TUBGCP5: variants seen among roughly 807,000 people sequenced by gnomAD.
TUBGCP5 encodes tubulin gamma complex component 5.
A neutral mutation model predicts 134.7 loss-of-function variants in TUBGCP5; 98 were observed. The ratio of observed to expected loss-of-function variants is 0.73; its 90% CI spans 0.62 to 0.86. TUBGCP5 has a LOEUF of 0.86. Among genes scored for constraint, TUBGCP5 ranks in the 40% least tolerant of loss-of-function variants. The pLI, the probability that TUBGCP5 is intolerant of heterozygous loss-of-function variation, is 0.00. For synonymous variants in TUBGCP5, 456 were observed against 431.4 expected, an observed-to-expected ratio of 1.06 and a Z score of -0.71; for missense variants, 1,150 against 1,244.8, an observed-to-expected ratio of 0.92 and a Z score of 1.15.
At position 23,037,156 on chromosome 15, in the gene TUBGCP5, T is replaced by C; in HGVS notation, c.147-4A>G. 6.2e-7 allele frequency: 1 copy of C among 1,612,442 alleles called. No homozygotes were observed. Among genetic ancestry groups the C allele is most frequent in the Non-Finnish European group, 8.5e-7 (1 of 1,179,804 alleles). ...GACATCCAAGAAACGATGAAATCTA[T>C]TAAAGACAAAATGCAATTCTTATGC... On this transcript the variant is annotated splice_region_variant and splice_polypyrimidine_tract_variant and intron_variant, in intron 1 of 22. Transcript: ENST00000615383.
At chr15:23,008,917 T>C in intron 15 of TUBGCP5, 36 bp from the exon 16 acceptor site, 2 of 1,494,160 alleles carry the variant, frequency 1.3e-6, no homozygotes, top group Non-Finnish European at 8.9e-7. Context: ...CTAAGATCTC[T>C]GGCATTCGTA....
chr15:23,001,323 G>T (rs181846882), intron 21 of TUBGCP5, among the ~76,000 whole-genome samples: 1 of 150,154 alleles, frequency 6.7e-6, no homozygotes, highest in African/African-American at 2.4e-5. Flanking sequence ...GATTGCAGTT[G>T]TGAGCCATGG....
chr15:22,999,685 G>A lies in TUBGCP5; in HGVS notation c.*135C>T, dbSNP rs2064256672. ...CATCGTGCTGGGATTAGAGGCATGA[G>A]CGACTGTGCCAGGCTGACTGTGGAC... On this transcript the variant is annotated 3_prime_UTR_variant, in exon 23 of 23. Transcript: ENST00000615383. 3.1e-6 allele frequency: 3 copies of A among 953,118 alleles called. No individual in the cohort carries two copies. Among genetic ancestry groups the A allele is most frequent in the Admixed American group, 4.1e-5 (2 of 48,344 alleles). The allele number at this position is 953,118 out of a possible 1,614,324, so 59.0% of individuals were successfully genotyped here.
At chr15:23,028,437 A>T (rs1476713116) in intron 6 of TUBGCP5, among the ~76,000 whole-genome samples, 1 of 151,998 alleles carries the variant, frequency 6.6e-6, no homozygotes, top group Non-Finnish European at 1.5e-5. Context: ...AAAATGTACT[A>T]AAAAATAACA....
chr15:23,005,198 C>T (rs1208312762), intron 19 of TUBGCP5, among the ~76,000 whole-genome samples: 1 of 152,132 alleles, frequency 6.6e-6, no homozygotes, highest in Non-Finnish European at 1.5e-5. Flanking sequence ...TGTGGCTGTG[C>T]CTGTCCCCAG....
intron 23 of TUBGCP5, among the ~76,000 whole-genome samples, chr15:22,993,525 G>GTTTTTTTTTTTTTTTTTTTTTTTTT (rs71414252): frequency 2.9e-5 from 2 of 69,288 alleles, no homozygotes; most frequent in African/African-American, 1.2e-4. Context: ...AGCCCCCGAA[G>GTTTTTTTTTTTTTTTTTTTTTTTTT]TTTTTTTTTT....
chr15:22,987,330 C>T lies in TUBGCP5; in HGVS notation c.*62-3719G>A, dbSNP rs111248813. ...CAGCCTGGGCAACAAGAGCAAAACT[C>T]CATCTCAAAAAAAAAAAAAAAGAAA... On this transcript the variant is annotated intron_variant and NMD_transcript_variant, in intron 23 of 23. Coordinates refer to the TUBGCP5 transcript ENST00000614508. 2.2e-4 allele frequency among the ~76,000 whole-genome samples: 30 copies of T among 134,396 alleles called. 1 individual carries two copies. The highest frequency in any genetic ancestry group is 8.6e-4 in the African/African-American group (29 of 33,604). The allele number at this position is 134,396 out of a possible 152,430, so 88.2% of individuals were successfully genotyped here.
chr15:23,007,493 G>A (rs995160067), intron 16 of TUBGCP5, among the ~76,000 whole-genome samples: 6 of 152,170 alleles, frequency 3.9e-5, no homozygotes, highest in African/African-American at 1.4e-4. Flanking sequence ...GCTGCACTGA[G>A]CAGGCAATAG....
chr15:23,026,650 CA>C (rs2066000319), intron 7 of TUBGCP5, among the ~76,000 whole-genome samples: 1 of 152,016 alleles, frequency 6.6e-6, no homozygotes, highest in South Asian at 2.1e-4. Context: ...TTTTCAACAC[CA>C]GCCAGGTGTG....
chr15:23,019,375 TG>T, intron 11 of TUBGCP5, 41 bp from the exon 12 acceptor site: 1 of 1,354,786 alleles, frequency 7.4e-7, no homozygotes, highest in Non-Finnish European at 1.1e-6. Flanking sequence ...CAGGGTTCCC[TG>T]GTCACTAGGA....
At chr15:23,012,971 T>TCA (rs1281519344) in intron 13 of TUBGCP5, among the ~76,000 whole-genome samples, 1 of 151,832 alleles carries the variant, frequency 6.6e-6, no homozygotes, top group Non-Finnish European at 1.5e-5. Context: ...GCGTAGTGGC[T>TCA]CACATCTATA....
chr15:23,032,855 T>TG lies in TUBGCP5; in HGVS notation c.310-32dup, dbSNP rs201759882. 1.8e-3 allele frequency: 2,699 copies of TG among 1,486,294 alleles called. 18 individuals are homozygous for TG. In the African/African-American group the frequency reaches 0.023, roughly 13 times the overall value. 92.1% of individuals were successfully genotyped at this position (1,486,294 alleles called of 1,614,324 possible). On this transcript the variant is annotated intron_variant, in intron 3 of 22. Transcript: ENST00000615383. ...AAACAAAAAAAAGAACATAAATCTC[T>TG]GAGGTTGGGAAATGCTTTCTACACC...
intron 10 of TUBGCP5, chr15:23,022,945 T>A (rs1331963801): frequency 1.3e-5 from 2 of 152,332 alleles, no homozygotes; most frequent in East Asian, 3.9e-4. Context: ...TGGCAAGAAG[T>A]GTGAGGAAAC....
At position 23,032,789 on chromosome 15, in the gene TUBGCP5, CAGA is replaced by C. The variant is rs1172033623; in HGVS notation, c.342_344del (p.Leu115del). The C allele has an allele frequency of 6.3e-6, 10 of 1,589,884 alleles. No individual in the cohort carries two copies. Among genetic ancestry groups the C allele is most frequent in the Non-Finnish European group, 7.7e-6 (9 of 1,170,908 alleles). On this transcript the variant is annotated inframe_deletion, in exon 4 of 23. Transcript: ENST00000615383. ...TGTTTGAAGGAGAGTCTGACAGACA[CAGA>C]AGAAGTGACAGTATGGAATAATGTG...
At position 23,019,211 on chromosome 15, in the gene TUBGCP5, C is replaced by A. The variant is rs1239082596; in HGVS notation, c.1487+8G>T. The A allele has an allele frequency of 6.2e-7, 1 of 1,602,660 alleles. No homozygotes were observed. Among genetic ancestry groups the A allele is most frequent in the South Asian group, 1.1e-5 (1 of 90,394 alleles). On this transcript the variant is annotated splice_region_variant and intron_variant, in intron 12 of 22. Transcript: ENST00000615383. ...CCCCCAGTGACCTTGTGCTCTGCTG[C>A]AGCTCACCTCTGGATGATGAACTCC...
chr15:23,024,200 C>A lies in TUBGCP5; in HGVS notation c.922-7G>T, dbSNP rs377077352. 239 of 1,608,580 alleles carry A rather than the reference C, an allele frequency of 1.5e-4. No individual in the cohort carries two copies. Among genetic ancestry groups the A allele is most frequent in the Middle Eastern group, 1.6e-4 (1 of 6,070 alleles). On this transcript the variant is annotated splice_polypyrimidine_tract_variant and splice_region_variant and intron_variant, in intron 9 of 22. Coordinates refer to ENST00000615383, the MANE Select transcript of TUBGCP5 (RefSeq NM_052903.6). ...GCACAGATCGTAAACAGCTCTACAA[C>A]ACAAGCAAACTGCAATTATTCAAAG...
intron 3 of TUBGCP5, among the ~76,000 whole-genome samples, chr15:23,035,979 T>G (rs749409221): frequency 6.6e-6 from 1 of 152,176 alleles, no homozygotes; most frequent in Non-Finnish European, 1.5e-5. Context: ...ACATAGCATG[T>G]GTGGAGACAG....
At chr15:23,012,110 T>A (rs1415647668) in intron 13 of TUBGCP5, among the ~76,000 whole-genome samples, 1 of 131,620 alleles carries the variant, frequency 7.6e-6, no homozygotes, top group South Asian at 2.4e-4. Context: ...GAGTGAAACC[T>A]GACTCAAAAA....
At position 22,999,525 on chromosome 15, in the gene TUBGCP5, T is replaced by C. The variant is rs903564711; in HGVS notation, c.*295A>G. ...AAGTAATCCTCCCATCTTTGCCTCC[T>C]GAGTAGCTGGGACTACAGGTACACA... On this transcript the variant is annotated 3_prime_UTR_variant, in exon 23 of 23. Coordinates refer to ENST00000615383, the MANE Select transcript of TUBGCP5 (RefSeq NM_052903.6). The C allele has an allele frequency of 1.1e-5, 4 of 348,612 alleles. No individual in the cohort carries two copies. The highest frequency in any genetic ancestry group is 2.2e-5 in the Non-Finnish European group (4 of 184,102). 21.6% of individuals were successfully genotyped at this position (348,612 alleles called of 1,614,324 possible).
Sources: gnomAD v4.1 joint callset for allele counts (sites outside exome capture counted in the v4.1 genomes callset) on GRCh38, gnomAD v4.1.1 for gene constraint, MANE v1.5 for transcripts, NCBI Gene and HGNC (gene_info 2026-07-23, HGNC 2026-07-21) for gene names.